SCRT2: variants seen among roughly 807,000 people sequenced by gnomAD.
SCRT2 encodes the protein scratch family transcriptional repressor 2.
Under a neutral mutation model 3.7 loss-of-function variants are expected in SCRT2, and 2 were observed. The ratio of observed to expected loss-of-function variants is 0.54; its 90% confidence interval spans 0.22 to 1.70. The LOEUF is 1.70. Among genes scored for constraint, SCRT2 ranks in the 40% most tolerant of loss-of-function variants. The probability of loss-of-function intolerance (pLI) is 0.19; values close to 1 mark genes in which losing one functional copy is unlikely to be tolerated. For synonymous variants in SCRT2, 256 were observed against 220.6 expected (o/e 1.16, Z -1.42); for missense variants, 456 against 468.5 (o/e 0.97, Z 0.25).
rs542779852 is a variant in SCRT2, at chr20:667,576, A to G, written c.134-3115T>C. ...CCATCAGTGAACCAGAGCGTTCTCC[A>G]TGAGGTGCTCTGCCCATGGCGCCCT... is the stretch of plus-strand genomic sequence containing the variant. On this transcript the variant is annotated intron_variant, in intron 1 of 1. Transcript: ENST00000246104. The surrounding 1 kb of genome is among the most constrained non-coding windows in gnomAD (Gnocchi z 4.4). 2.0e-5 allele frequency among the ~76,000 whole-genome samples: 3 copies of G among 152,288 alleles called. No individual in the cohort carries two copies. Among genetic ancestry groups the G allele is most frequent in the African/African-American group, 7.2e-5 (3 of 41,558 alleles).
chr20:669,025 T>C (rs1469142380), intron 1 of SCRT2, among the ~76,000 whole-genome samples: 1 of 151,476 alleles, frequency 6.6e-6, no homozygotes, highest in African/African-American at 2.4e-5. Context: ...CTGTGTTTTT[T>C]CCAAAACACC....
chr20:672,790 C>G (rs1232993284), intron 1 of SCRT2, among the ~76,000 whole-genome samples: 5 of 148,868 alleles, frequency 3.4e-5, no homozygotes, highest in Admixed American at 6.7e-5. Flanking sequence ...CATCTTCCCC[C>G]CCTCCTCTCT....
In SCRT2 at chr20:664,946, G is replaced by A. The variant is rs1311189868; in HGVS notation, c.134-485C>T. The stretch of plus-strand genomic sequence containing the variant: ...TTTTCTCATCTGCAAAATGGAGCTT[G>A]TGATTGGACACCTCCTTCCAGGGTC... On this transcript the variant is annotated intron_variant, in intron 1 of 1. Transcript: ENST00000246104. The surrounding 1 kb of genome is among the most constrained non-coding windows in gnomAD (Gnocchi z 7.9). Among the ~76,000 whole-genome samples, 2 of 152,176 alleles carry A rather than the reference G, an allele frequency of 1.3e-5. No homozygotes were observed. The highest frequency in any genetic ancestry group is 2.9e-5 in the Non-Finnish European group (2 of 68,036).
In SCRT2 at chr20:663,219, G is replaced by T. The variant is rs1049032922; in HGVS notation, c.*452C>A. 3.7e-5 allele frequency: 6 copies of T among 162,278 alleles called. No homozygotes were observed. Among genetic ancestry groups the T allele is most frequent in the African/African-American group, 7.2e-5 (3 of 41,806 alleles). The allele number at this position is 162,278 out of a possible 1,614,324, so 10.1% of individuals were successfully genotyped here. A position where few individuals can be genotyped will look rare whatever the true frequency, so the allele number is the denominator to read the frequency against. ...GGTGTGGATGGGGAAACTGAGGCAGGTATGGGCGTCAAGGGTATAGGTTTG... is the reference window on the plus strand; with the variant it reads ...GGTGTGGATGGGGAAACTGAGGCAGTTATGGGCGTCAAGGGTATAGGTTTG... On this transcript the variant is annotated 3_prime_UTR_variant, in exon 2 of 2. Transcript: ENST00000246104. This position sits in a 1 kb window ranked among gnomAD's most constrained non-coding sequence, Gnocchi z 6.9.
chr20:662,879 C>T lies in SCRT2; in HGVS notation c.*792G>A, dbSNP rs1984004392. The T allele has an allele frequency of 6.5e-6, 1 of 152,768 alleles. No individual in the cohort carries two copies. Among genetic ancestry groups the T allele is most frequent in the Admixed American group, 6.5e-5 (1 of 15,288 alleles). The allele number at this position is 152,768 out of a possible 1,614,324, so 9.5% of individuals were successfully genotyped here. A position where few individuals can be genotyped will look rare whatever the true frequency, so the allele number is the denominator to read the frequency against. On this transcript the variant is annotated 3_prime_UTR_variant, in exon 2 of 2. Transcript: ENST00000246104. ...CCTGAAGTGCCCCTCAAGCCCCCTC[C>T]AGGTTAGGTAGACTCAGAGGGGTGA...
rs574061608 is a variant in SCRT2, at chr20:663,824, C to T, written c.771G>A (p.Ala257=). The T allele has an allele frequency of 1.5e-5, 24 of 1,597,306 alleles. No individual in the cohort carries two copies. Among genetic ancestry groups the T allele is most frequent in the South Asian group, 3.4e-5 (3 of 88,998 alleles). Residue 257 remains alanine (A), a synonymous_variant, in exon 2 of 2, where the codon GCG becomes GCA. Coordinates refer to ENST00000246104, the MANE Select transcript of SCRT2 (RefSeq NM_033129.4). The surrounding 1 kb of genome is among the most constrained non-coding windows in gnomAD (Gnocchi z 6.9). ...KAFADRSNLR[A]HMQTHSAFKH... ...TGAAGGCCGAGTGCGTCTGCATGTGCGCGCGCAGGTTGGAGCGGTCGGCGA... is the reference window on the plus strand; with the variant it reads ...TGAAGGCCGAGTGCGTCTGCATGTGTGCGCGCAGGTTGGAGCGGTCGGCGA...
At position 675,564 on chromosome 20, in the gene SCRT2, T is replaced by C. The variant is rs750843280; in HGVS notation, c.38A>G (p.Asp13Gly). ...CGGCACCCCGCTGCACTGGAAGCCGTCCCCTTTGATCTTCTTTACCAGGAA... is the reference window on the plus strand; with the variant it reads ...CGGCACCCCGCTGCACTGGAAGCCGCCCCCTTTGATCTTCTTTACCAGGAA... Reference protein sequence around the residue: ...RSFLVKKIKGDGFQCSGVPAP... With the variant: ...RSFLVKKIKGGGFQCSGVPAP... Residue 13 changes from aspartate to glycine, a missense_variant, in exon 1 of 2, where the codon GAC (aspartate) becomes GGC (glycine). This residue lies in a region of SCRT2 where 306 missense variants were observed against 305.3 expected (regional missense o/e 1.00). Transcript: ENST00000246104. This position sits in a 1 kb window ranked among gnomAD's most constrained non-coding sequence, Gnocchi z 6.9. 5.2e-6 allele frequency: 7 copies of C among 1,357,920 alleles called. No individual in the cohort carries two copies. Among genetic ancestry groups the C allele is most frequent in the Middle Eastern group, 2.1e-4 (1 of 4,714 alleles). The allele number at this position is 1,357,920 out of a possible 1,614,324, so 84.1% of individuals were successfully genotyped here. A position where few individuals can be genotyped will look rare whatever the true frequency, so the allele number is the denominator to read the frequency against.
rs1378120679 is a variant in SCRT2, at chr20:667,373, T to C, written c.134-2912A>G. Among the ~76,000 whole-genome samples the C allele has an allele frequency of 1.3e-5, 2 of 152,232 alleles. No individual in the cohort carries two copies. On this transcript the variant is annotated intron_variant, in intron 1 of 1. Coordinates refer to ENST00000246104, the MANE Select transcript of SCRT2 (RefSeq NM_033129.4). The surrounding 1 kb of genome is among the most constrained non-coding windows in gnomAD (Gnocchi z 4.4). ...CACATTTTAAATCCACCACGCATGT[T>C]GGCTGTTATTATGAACAATAATAAC... is the stretch of plus-strand genomic sequence containing the variant.
At chr20:668,195 G>A (rs1984216970) in intron 1 of SCRT2, among the ~76,000 whole-genome samples, 1 of 152,028 alleles carries the variant, frequency 6.6e-6, no homozygotes, top group Non-Finnish European at 1.5e-5. Context: ...TGTGTTTCCT[G>A]GTGATATATC....
intron 1 of SCRT2, among the ~76,000 whole-genome samples, chr20:668,516 C>T (rs1369296532): frequency 1.3e-5 from 2 of 152,086 alleles, no homozygotes; most frequent in African/African-American, 4.8e-5. Flanking sequence ...TCATCCTAGC[C>T]CTTGAATTCA....
rs533690378 is a variant in SCRT2 at position 664,597 on chromosome 20, C to T, written c.134-136G>A. The T allele has an allele frequency of 3.1e-5, 17 of 541,836 alleles. No homozygotes were observed. Among genetic ancestry groups the T allele is most frequent in the Non-Finnish European group, 8.4e-6 (3 of 357,110 alleles). 33.6% of individuals were successfully genotyped at this position (541,836 alleles called of 1,614,324 possible). On this transcript the variant is annotated intron_variant, in intron 1 of 1. Transcript: ENST00000246104. This position sits in a 1 kb window ranked among gnomAD's most constrained non-coding sequence, Gnocchi z 7.9. ...CGACAGTGGTGGTCTCCGACCTGCA[C>T]CTCAGCTCTTCCTGTCAGGCAGCCT...
rs1984183236 is a variant in SCRT2, at chr20:667,240, G to T, written c.134-2779C>A. On this transcript the variant is annotated intron_variant, in intron 1 of 1. Transcript: ENST00000246104. This position sits in a 1 kb window ranked among gnomAD's most constrained non-coding sequence, Gnocchi z 4.4. ...TTCTACCCCCATGACACACAAGGTG[G>T]TAGGTACCCTTTTATAGAAGAGGAA... is the stretch of plus-strand genomic sequence containing the variant. Among the ~76,000 whole-genome samples, 1 of 152,186 alleles carries T rather than the reference G, an allele frequency of 6.6e-6. No homozygotes were observed. Among genetic ancestry groups the T allele is most frequent in the African/African-American group, 2.4e-5 (1 of 41,434 alleles).
chr20:664,169 C>T lies in SCRT2; in HGVS notation c.426G>A (p.Ala142=). The change falls in exon 2 of 2, where the codon GCG becomes GCA. Residue 142 remains alanine (A), a synonymous_variant. Coordinates refer to ENST00000246104, the MANE Select transcript of SCRT2 (RefSeq NM_033129.4). The surrounding 1 kb of genome is among the most constrained non-coding windows in gnomAD (Gnocchi z 7.9). ...CGCCCGCCTGCGCCCCCGCGCGCCC[C>T]GCGCGCCCCCCGGCGCCCCCCGCGT... The part of the protein sequence containing the change: ...SGDAGGAGGR[A]GRAGAQAGGG... 1 of 1,086,108 alleles carries T rather than the reference C, an allele frequency of 9.2e-7. No homozygotes were observed. Among genetic ancestry groups the T allele is most frequent in the African/African-American group, 1.7e-5 (1 of 59,220 alleles). 67.3% of individuals were successfully genotyped at this position (1,086,108 alleles called of 1,614,324 possible).
Position 663,501 on chromosome 20 carries a change from T to G in SCRT2, c.*170A>C. On this transcript the variant is annotated 3_prime_UTR_variant, in exon 2 of 2. Coordinates refer to ENST00000246104, the MANE Select transcript of SCRT2 (RefSeq NM_033129.4). The surrounding 1 kb of genome is among the most constrained non-coding windows in gnomAD (Gnocchi z 6.9). ...CTGGGGAAGACGGTGTGGAAGTGAG[T>G]CGTGGGTTTGGGGGTTGGGGAGAAA... is the stretch of plus-strand genomic sequence containing the variant. 3.9e-6 allele frequency: 2 copies of G among 509,048 alleles called. No homozygotes were observed. The highest frequency in any genetic ancestry group is 4.6e-5 in the Admixed American group (1 of 21,668). 31.5% of individuals were successfully genotyped at this position (509,048 alleles called of 1,614,324 possible).
rs966835464 is a variant in SCRT2, at chr20:666,495, C to T, written c.134-2034G>A. Among the ~76,000 whole-genome samples, 16 of 152,192 alleles carry T rather than the reference C, an allele frequency of 1.1e-4. No homozygotes were observed. Among genetic ancestry groups the T allele is most frequent in the South Asian group, 2.1e-4 (1 of 4,826 alleles). The stretch of plus-strand genomic sequence containing the variant: ...GCACCAGGCTCTGTGCTAAGTGCTT[C>T]GCTCCCATCATCTCACTGAATCATC... On this transcript the variant is annotated intron_variant, in intron 1 of 1. Coordinates refer to ENST00000246104, the MANE Select transcript of SCRT2 (RefSeq NM_033129.4). The surrounding 1 kb of genome is among the most constrained non-coding windows in gnomAD (Gnocchi z 4.4).
At chr20:674,973 C>G (rs894330832) in intron 1 of SCRT2, among the ~76,000 whole-genome samples, 9 of 152,094 alleles carry the variant, frequency 5.9e-5, no homozygotes, top group Non-Finnish European at 1.0e-4. Context: ...GTGACATCGG[C>G]AGGGGAGCAG....
rs779851508 is a variant in SCRT2 at position 664,298 on chromosome 20, C to T, written c.297G>A (p.Glu99=). ...SSLSARYFRG[E]AAVTDSYSMD... ...TGGAGTAGCTGTCGGTCACTGCCGCCTCCCCTCGGAAGTAGCGCGCCGACA... is the reference window on the plus strand; with the variant it reads ...TGGAGTAGCTGTCGGTCACTGCCGCTTCCCCTCGGAAGTAGCGCGCCGACA... The change falls in exon 2 of 2, where the codon GAG becomes GAA. Residue 99 remains glutamate, a synonymous_variant. Coordinates refer to ENST00000246104, the MANE Select transcript of SCRT2 (RefSeq NM_033129.4). This position sits in a 1 kb window ranked among gnomAD's most constrained non-coding sequence, Gnocchi z 7.9. 1.9e-5 allele frequency: 28 copies of T among 1,492,238 alleles called. No individual in the cohort carries two copies. The South Asian group carries it at 3.1e-4, about 16-fold the overall frequency. 92.4% of individuals were successfully genotyped at this position (1,492,238 alleles called of 1,614,324 possible).
intron 1 of SCRT2, among the ~76,000 whole-genome samples, chr20:668,521 A>C (rs1446728058): frequency 6.6e-6 from 1 of 152,154 alleles, no homozygotes; most frequent in African/African-American, 2.4e-5. Flanking sequence ...CTAGCCCTTG[A>C]ATTCAGGCCG....
Position 664,042 on chromosome 20 carries a change from C to T in SCRT2, c.553G>A (p.Ala185Thr), listed in dbSNP as rs1422661511. ...TTGCCGCACGTCGGGCATTTGCGCG[C>T]CAGCTGGCTGTCCAGGCTGCGGTGC... ...QTHRSLDSQLARKCPTCGKAY... is the reference protein window; with the variant it reads ...QTHRSLDSQLTRKCPTCGKAY... Residue 185 changes from alanine (A) to threonine (T), a missense_variant, in exon 2 of 2, where the codon GCG becomes ACG. By Grantham distance (58) the Ala-to-Thr change is moderately conservative (BLOSUM62 0). Transcript: ENST00000246104. This position sits in a 1 kb window ranked among gnomAD's most constrained non-coding sequence, Gnocchi z 7.9. 6.2e-7 allele frequency: 1 copy of T among 1,612,012 alleles called. No individual in the cohort carries two copies.
Sources: allele counts gnomAD v4.1 joint callset (sites outside exome capture counted in the v4.1 genomes callset), GRCh38; gene constraint gnomAD v4.1.1; regional missense constraint gnomAD v4.1.1; non-coding constraint Gnocchi (gnomAD v3.1); transcripts MANE v1.5; gene names NCBI Gene and HGNC (gene_info 2026-07-23, HGNC 2026-07-21).